The following ACTN4 variants were observed in gnomAD, a reference collection of about 807,000 sequenced individuals.
ACTN4 encodes actinin alpha 4, also known as alpha-actinin-4.
In ACTN4, 18 loss-of-function variants were observed where a neutral mutation model predicts 114.2. The ratio of observed to expected loss-of-function variants is 0.16; its 90% CI spans 0.11 to 0.23. The LOEUF (loss-of-function observed/expected upper bound fraction) is 0.23, where lower values mean the gene tolerates loss of function less well. Among genes scored for constraint, ACTN4 ranks in the 10% least tolerant of loss-of-function variants. ACTN4 has a pLI of 1.00. For synonymous variants in ACTN4, 515 were observed against 506.3 expected, an observed-to-expected ratio of 1.02 and a Z score of -0.23; for missense variants, 722 against 1,262.9, an observed-to-expected ratio of 0.57 and a Z score of 6.49.
chr19:38,693,122 G>A (rs987768964), intron 1 of ACTN4, among the ~76,000 whole-genome samples: 2 of 152,130 alleles, frequency 1.3e-5, no homozygotes, highest in Non-Finnish European at 2.9e-5. Context: ...AGAGGGTTGC[G>A]GCATGAGGCA....
In ACTN4 at chr19:38,731,315, G is replaced by A; in HGVS notation, c.*1883G>A. On this transcript the variant is annotated 3_prime_UTR_variant, in exon 21 of 21. Transcript: ENST00000252699. ...CCACCTCCTCAGGGAGGACATGAATGCCACAGGGTGTCACACCCCAACTCT... is the reference window on the plus strand; with the variant it reads ...CCACCTCCTCAGGGAGGACATGAATACCACAGGGTGTCACACCCCAACTCT... The A allele has an allele frequency of 2.1e-6, 2 of 948,594 alleles. No individual in the cohort carries two copies. The highest frequency in any genetic ancestry group is 1.3e-5 in the South Asian group (1 of 75,070). 58.8% of individuals were successfully genotyped at this position (948,594 alleles called of 1,614,324 possible).
intron 1 of ACTN4, among the ~76,000 whole-genome samples, chr19:38,673,124 A>G (rs1394890882): frequency 4.1e-5 from 6 of 146,622 alleles, no homozygotes; most frequent in Non-Finnish European, 7.5e-5. Context: ...TGTGTTTTTA[A>G]TAGAGACAGG....
In ACTN4 at chr19:38,729,284, C is replaced by T. The variant is rs1271129045; in HGVS notation, c.2588C>T (p.Thr863Ile). The stretch of plus-strand genomic sequence containing the variant: ...TCCTGCCTGCCCCAGAACTTCATCA[C>T]AGCTGAGGAGCTGCGGAGAGAGCTG... ...KVLAGDKNFITAEELRRELPP... is the reference protein window; with the variant it reads ...KVLAGDKNFIIAEELRRELPP... The change falls in exon 21 of 21, where the codon ACA (threonine) becomes ATA (isoleucine). Residue 863 changes from threonine to isoleucine, a missense_variant. Around this residue, in one of 3 missense-constraint regions of ACTN4, gnomAD observed 523 missense variants for 875.9 expected, o/e 0.60. Coordinates refer to ENST00000252699, the MANE Select transcript of ACTN4 (RefSeq NM_004924.6). 6.2e-7 allele frequency: 1 copy of T among 1,612,888 alleles called. No homozygotes were observed. Among genetic ancestry groups the T allele is most frequent in the Middle Eastern group, 1.7e-4 (1 of 6,038 alleles).
chr19:38,700,777 C>CCAGA, intron 2 of ACTN4, 63 bp downstream of exon 2: 1 of 1,501,568 alleles, frequency 6.7e-7, no homozygotes, highest in Non-Finnish European at 9.2e-7. Context: ...ACAGCGGTCC[C>CCAGA]CAGAGACCCT....
At chr19:38,704,849 C>CT (rs1209850070) in intron 3 of ACTN4, 85 bp from the exon 4 acceptor site, 1 of 1,281,874 alleles carries the variant, frequency 7.8e-7, no homozygotes, top group East Asian at 2.3e-5. Flanking sequence ...CTAGATGGGG[C>CT]TGGAAGGCCA....
rs762788580 is a variant in ACTN4 at position 38,647,760 on chromosome 19, C to G, written c.15C>G (p.His5Gln). The change falls in exon 1 of 21, where the codon CAC (histidine) becomes CAG (glutamine). Residue 5 changes from histidine to glutamine, a missense_variant. His to Gln is a conservative substitution (Grantham distance 24). Transcript: ENST00000252699. ...GAGGCGGCGGAATGGTGGACTACCACGCGGCGAACCAGTCGTACCAGTACG... is the reference window on the plus strand; with the variant it reads ...GAGGCGGCGGAATGGTGGACTACCAGGCGGCGAACCAGTCGTACCAGTACG... MVDY[H>Q]AANQSYQYGP... The G allele has an allele frequency of 6.4e-7, 1 of 1,550,430 alleles. No individual in the cohort carries two copies. The highest frequency in any genetic ancestry group is 8.7e-7 in the Non-Finnish European group (1 of 1,150,116).
At chr19:38,680,636 C>T (rs914744238) in intron 1 of ACTN4, among the ~76,000 whole-genome samples, 2 of 152,142 alleles carry the variant, frequency 1.3e-5, no homozygotes, top group African/African-American at 4.8e-5. Context: ...TTTCAAGTCC[C>T]ACTTCTTGGG....
At chr19:38,658,226 G>T (rs1276558093) in intron 1 of ACTN4, among the ~76,000 whole-genome samples, 1 of 152,150 alleles carries the variant, frequency 6.6e-6, no homozygotes, top group Non-Finnish European at 1.5e-5. Flanking sequence ...AAAAAGGAGA[G>T]CACTCCATGA....
chr19:38,680,475 C>T (rs574245937), intron 1 of ACTN4, among the ~76,000 whole-genome samples: 5 of 152,212 alleles, frequency 3.3e-5, no homozygotes, highest in South Asian at 2.1e-4. Context: ...TGAGCCACTG[C>T]GCCCGGCCTC....
chr19:38,673,455 TC>T (rs1358626999), intron 1 of ACTN4, among the ~76,000 whole-genome samples: 11 of 90,128 alleles, frequency 1.2e-4, no homozygotes, highest in African/African-American at 3.8e-4. Flanking sequence ...ATATATATAT[TC>T]ATATATATTT....
intron 12 of ACTN4, 75 bp downstream of exon 12, chr19:38,721,763 C>T (rs745325832): frequency 1.1e-5 from 17 of 1,589,012 alleles, no homozygotes; most frequent in East Asian, 9.1e-5. Context: ...GGCAGCACGC[C>T]GAGGCCCAGC....
chr19:38,719,302 C>G lies in ACTN4; in HGVS notation c.1291+1228C>G, dbSNP rs560994551. Among the ~76,000 whole-genome samples, 12 of 152,386 alleles carry G rather than the reference C, an allele frequency of 7.9e-5. No homozygotes were observed. In the South Asian group the frequency reaches 1.4e-3, roughly 18 times the overall value. On this transcript the variant is annotated intron_variant, in intron 11 of 20. Transcript: ENST00000252699. ...CCCTGGCCCTCCGGCCGCCACTCCG[C>G]CCAGCTGAGCCCTTCCTTGCATTCC...
intron 1 of ACTN4, among the ~76,000 whole-genome samples, chr19:38,698,921 G>A (rs1038686228): frequency 6.6e-6 from 1 of 152,214 alleles, no homozygotes; most frequent in Non-Finnish European, 1.5e-5. Context: ...CAAAACACAT[G>A]GTGCTTGGTC....
intron 1 of ACTN4, among the ~76,000 whole-genome samples, chr19:38,671,555 TA>T (rs1456843363): frequency 6.6e-6 from 1 of 152,230 alleles, no homozygotes; most frequent in African/African-American, 2.4e-5. Context: ...GAGATCTTTG[TA>T]AATGGAAAAG....
chr19:38,728,107 T>C (rs1353093573), intron 19 of ACTN4, 81 bp downstream of exon 19: 23 of 1,491,662 alleles, frequency 1.5e-5, no homozygotes, highest in Middle Eastern at 1.7e-4. Flanking sequence ...CCCCTCGCCA[T>C]CCCACCCCTG....
chr19:38,652,138 T>G (rs1241794370), intron 1 of ACTN4, among the ~76,000 whole-genome samples: 3 of 152,050 alleles, frequency 2.0e-5, no homozygotes. Context: ...GCTTGCCTCT[T>G]AGGATCTGGC....
In ACTN4 at chr19:38,718,073, C is replaced by T. The variant is rs142111133; in HGVS notation, c.1290C>T (p.Asp430=). The change falls in exon 11 of 21, where the codon GAC becomes GAT. Residue 430 remains aspartate (D), a splice_region_variant and synonymous_variant. Transcript: ENST00000252699. The part of the protein sequence containing the change: ...QKASIHEAWT[D]GKEAMLKHRD... ...CCTCCATCCACGAGGCCTGGACTGA[C>T]GGTACGGCCCAGCTCTGCCCCACTC... 2.8e-4 allele frequency: 453 copies of T among 1,607,216 alleles called. 1 individual carries two copies. The African/African-American group carries it at 3.8e-3, about 14-fold the overall frequency.
intron 7 of ACTN4, 39 bp from the exon 8 acceptor site, chr19:38,710,218 C>G (rs1258633115): frequency 6.2e-7 from 1 of 1,611,312 alleles, no homozygotes; most frequent in Non-Finnish European, 8.5e-7. Flanking sequence ...CCACCCCCCG[C>G]CCTACTCGGG....
intron 1 of ACTN4, among the ~76,000 whole-genome samples, chr19:38,649,355 GGT>G (rs926905443): frequency 2.1e-5 from 3 of 143,474 alleles, no homozygotes; most frequent in African/African-American, 7.8e-5. Flanking sequence ...GTGGTGAGTG[GGT>G]GTGTGTGGGG....
Sources: allele counts gnomAD v4.1 joint callset (sites outside exome capture counted in the v4.1 genomes callset), GRCh38; gene constraint gnomAD v4.1.1; regional missense constraint gnomAD v4.1.1; transcripts MANE v1.5; gene names NCBI Gene and HGNC (gene_info 2026-07-23, HGNC 2026-07-21).